Variants in TRIP12 observed in about 807,000 individuals in gnomAD.
TRIP12 encodes the protein thyroid hormone receptor interactor 12.
In TRIP12, 25 loss-of-function variants were observed where a neutral mutation model predicts 244.2. That is an observed-to-expected ratio of 0.10 (90% CI 0.07 to 0.14). TRIP12 has a LOEUF of 0.14. Ranked by LOEUF, TRIP12 falls within the 10% of genes least tolerant of loss-of-function variation. The pLI is 1.00. For synonymous variants in TRIP12, 905 were observed against 873.1 expected (o/e 1.04, Z -0.64); for missense variants, 1,677 against 2,486.4 (o/e 0.67, Z 6.92).
chr2:229,773,375 A>AAT (rs891835523), intron 38 of TRIP12, among the ~76,000 whole-genome samples: 87 of 151,464 alleles, frequency 5.7e-4, no homozygotes, highest in African/African-American at 1.6e-3. Flanking sequence ...TGCCCAGCCT[A>AAT]ATATATATAT....
At chr2:229,895,852 A>T (rs2068668016) in intron 1 of TRIP12, among the ~76,000 whole-genome samples, 1 of 152,158 alleles carries the variant, frequency 6.6e-6, no homozygotes, top group African/African-American at 2.4e-5. Context: ...GACATGTCAT[A>T]ATTCAAAAAC....
intron 4 of TRIP12, among the ~76,000 whole-genome samples, chr2:229,850,481 T>C (rs2058445844): frequency 6.6e-6 from 1 of 152,202 alleles, no homozygotes; most frequent in South Asian, 2.1e-4. Context: ...GCTCACAGAT[T>C]ATCTACCTTT....
At position 229,804,889 on chromosome 2, in the gene TRIP12, C is replaced by T. The variant is rs190871275; in HGVS notation, c.2651-662G>A. ...AACACTTATATTATTTACTATCTGGCCCTTTATTTTATTTAATTAATTTAT... is the reference window on the plus strand; with the variant it reads ...AACACTTATATTATTTACTATCTGGTCCTTTATTTTATTTAATTAATTTAT... On this transcript the variant is annotated intron_variant, in intron 18 of 41. Coordinates refer to ENST00000675903, the MANE Select transcript of TRIP12 (RefSeq NM_001348323.3). Among the ~76,000 whole-genome samples the T allele has an allele frequency of 1.5e-4, 23 of 150,744 alleles. No individual in the cohort carries two copies. In the East Asian group the frequency reaches 4.5e-3, roughly 29 times the overall value.
intron 34 of TRIP12, among the ~76,000 whole-genome samples, 154 bp downstream of exon 34, chr2:229,785,603 T>A (rs1339968126): frequency 6.6e-6 from 1 of 152,192 alleles, no homozygotes; most frequent in Non-Finnish European, 1.5e-5. Context: ...GTTGAACCTT[T>A]GAAAAATGGA....
At chr2:229,907,809 A>C (rs769001862) in intron 1 of TRIP12, among the ~76,000 whole-genome samples, 1 of 152,198 alleles carries the variant, frequency 6.6e-6, no homozygotes, top group Non-Finnish European at 1.5e-5. Flanking sequence ...TCTAGAAAAA[A>C]ATAACAAATT....
At chr2:229,787,731 C>A in intron 32 of TRIP12, 70 bp from the exon 33 acceptor site, 1 of 1,367,918 alleles carries the variant, frequency 7.3e-7, no homozygotes, top group Non-Finnish European at 9.8e-7. Flanking sequence ...AAAATCCAAA[C>A]TTATATTAGA....
intron 8 of TRIP12, among the ~76,000 whole-genome samples, chr2:229,820,512 T>C (rs2049769667): frequency 6.6e-6 from 1 of 152,214 alleles, no homozygotes. Flanking sequence ...CACTTTTGTT[T>C]ATGTGGGTTA....
At chr2:229,887,021 G>A (rs7601031) in intron 1 of TRIP12, among the ~76,000 whole-genome samples, 5 of 152,020 alleles carry the variant, frequency 3.3e-5, no homozygotes, top group South Asian at 2.1e-4. Flanking sequence ...AATAGGGGAC[G>A]GGCTCAGCAC....
At chr2:229,793,217 C>T in intron 26 of TRIP12, 72 bp from the exon 27 acceptor site, 4 of 1,438,048 alleles carry the variant, frequency 2.8e-6, no homozygotes, top group East Asian at 2.5e-5. Flanking sequence ...CAAATAAAGG[C>T]AAGTTAATAC....
At chr2:229,773,178 C>T (rs920424163) in intron 38 of TRIP12, among the ~76,000 whole-genome samples, 17 of 151,634 alleles carry the variant, frequency 1.1e-4, no homozygotes, top group Non-Finnish European at 1.9e-4. Flanking sequence ...CTGGTTCAAG[C>T]GGTTCTCCTG....
chr2:229,795,645 G>C (rs1437623723), intron 25 of TRIP12, among the ~76,000 whole-genome samples: 1 of 152,140 alleles, frequency 6.6e-6, no homozygotes, highest in Non-Finnish European at 1.5e-5. Flanking sequence ...ATTTTAGTAA[G>C]AATATTCATG....
chr2:229,860,403 T>A lies in TRIP12; in HGVS notation c.224+3A>T. The A allele has an allele frequency of 1.9e-6, 3 of 1,593,568 alleles. No homozygotes were observed. Among genetic ancestry groups the A allele is most frequent in the Non-Finnish European group, 2.6e-6 (3 of 1,171,090 alleles). ...AAAATGTATAAGCAACATGAAGATT[T>A]ACCTTTTAGAAAGGTGTCCCCTTGA... On this transcript the variant is annotated splice_donor_region_variant and intron_variant, in intron 3 of 41. Transcript: ENST00000675903.
At chr2:229,905,536 G>A (rs1475432630) in intron 1 of TRIP12, among the ~76,000 whole-genome samples, 1 of 152,078 alleles carries the variant, frequency 6.6e-6, no homozygotes, top group Non-Finnish European at 1.5e-5. Flanking sequence ...GACACAAAAG[G>A]TTTAAACCAT....
chr2:229,864,045 A>AGAGAGAGAGAGAGAGAGAGT (rs1559957254), intron 2 of TRIP12, among the ~76,000 whole-genome samples: 3 of 67,262 alleles, frequency 4.5e-5, no homozygotes, highest in South Asian at 6.1e-4. Context: ...AGAGAGAGAG[A>AGAGAGAGAGAGAGAGAGAGT]GAGTGTGTGT....
chr2:229,815,200 A>G lies in TRIP12; in HGVS notation c.1636-6T>C. 6.2e-7 allele frequency: 1 copy of G among 1,609,298 alleles called. No homozygotes were observed. The highest frequency in any genetic ancestry group is 8.5e-7 in the Non-Finnish European group (1 of 1,178,288). On this transcript the variant is annotated splice_polypyrimidine_tract_variant and splice_region_variant and intron_variant, in intron 10 of 41. Transcript: ENST00000675903. ...GCTCGACAAGCATGGTTCATCTAGA[A>G]AAGAAGAGATTTTAATGAGTAAAAA... is the stretch of plus-strand genomic sequence containing the variant.
intron 1 of TRIP12, among the ~76,000 whole-genome samples, chr2:229,887,235 G>A (rs2066219880): frequency 6.6e-6 from 1 of 152,174 alleles, no homozygotes; most frequent in Admixed American, 6.5e-5. Flanking sequence ...AAATTGATTT[G>A]AGAAGCAAGA....
intron 25 of TRIP12, among the ~76,000 whole-genome samples, chr2:229,795,575 A>T (rs1175412516): frequency 1.3e-5 from 2 of 152,212 alleles, no homozygotes; most frequent in Non-Finnish European, 2.9e-5. Context: ...AACACAAGTC[A>T]CTTGGTGGCA....
intron 8 of TRIP12, among the ~76,000 whole-genome samples, chr2:229,823,875 A>G (rs1367450726): frequency 2.0e-5 from 3 of 152,260 alleles, no homozygotes; most frequent in Admixed American, 6.5e-5. Flanking sequence ...AAACACAGAA[A>G]GAAATCATTA....
chr2:229,816,359 G>C (rs1366217808), intron 9 of TRIP12, among the ~76,000 whole-genome samples: 1 of 150,032 alleles, frequency 6.7e-6, no homozygotes, highest in Non-Finnish European at 1.5e-5. Flanking sequence ...ATCACTTAAT[G>C]TCAGTCACTT....
Sources: allele counts gnomAD v4.1 joint callset (sites outside exome capture counted in the v4.1 genomes callset), GRCh38; gene constraint gnomAD v4.1.1; transcripts MANE v1.5; gene names NCBI Gene and HGNC (gene_info 2026-07-23, HGNC 2026-07-21).